The following PARM1 variants were observed in gnomAD, a reference collection of about 807,000 sequenced individuals.
PARM1 encodes the protein prostate androgen-regulated mucin-like protein 1, also known as WSC4, cell wall integrity and stress response component 4 homolog.
A neutral mutation model predicts 24.6 loss-of-function variants in PARM1; 14 were observed. The observed-to-expected ratio is 0.57, with a 90% CI of 0.38 to 0.89. PARM1 has a LOEUF of 0.89. Among genes scored for constraint, PARM1 ranks in the 40% least tolerant of loss-of-function variants. PARM1 has a pLI of 0.00. For missense variants in PARM1, 362 were observed against 380.4 expected (o/e 0.95, Z 0.40); for synonymous variants, 179 against 156.6 (o/e 1.14, Z -1.07).
At chr4:75,008,721 C>A (rs1240897142) in intron 1 of PARM1, among the ~76,000 whole-genome samples, 1 of 152,140 alleles carries the variant, frequency 6.6e-6, no homozygotes, top group Non-Finnish European at 1.5e-5. Context: ...TTACAGGAAG[C>A]TGAGTATGAG....
chr4:74,986,566 G>A (rs537742196), intron 1 of PARM1, among the ~76,000 whole-genome samples: 20 of 152,052 alleles, frequency 1.3e-4, no homozygotes, highest in Admixed American at 9.8e-4. Flanking sequence ...AAAAACTAAC[G>A]CAAACAGCAG....
intron 1 of PARM1, among the ~76,000 whole-genome samples, chr4:74,946,082 T>C (rs773589004): frequency 3.3e-5 from 5 of 152,230 alleles, no homozygotes; most frequent in Non-Finnish European, 7.3e-5. Flanking sequence ...TCATTTCATC[T>C]GCCACTTCAT....
intron 2 of PARM1, among the ~76,000 whole-genome samples, chr4:75,020,024 A>AG (rs1347100778): frequency 1.5e-5 from 2 of 132,942 alleles, no homozygotes; most frequent in Non-Finnish European, 3.0e-5. Flanking sequence ...AAAAAAAAAA[A>AG]AAAAAAAAAA....
chr4:75,024,618 T>G (rs1211423228), intron 2 of PARM1, among the ~76,000 whole-genome samples: 1 of 152,248 alleles, frequency 6.6e-6, no homozygotes. Flanking sequence ...GATCTGAGCC[T>G]TCACCTTAGC....
intron 1 of PARM1, among the ~76,000 whole-genome samples, chr4:74,999,391 T>TA (rs1293796313): frequency 4.6e-5 from 7 of 152,154 alleles, no homozygotes; most frequent in African/African-American, 1.7e-4. Context: ...GAATAGGTGG[T>TA]AGAAGAGAAA....
At chr4:75,000,101 A>G (rs1722648259) in intron 1 of PARM1, among the ~76,000 whole-genome samples, 1 of 152,060 alleles carries the variant, frequency 6.6e-6, no homozygotes, top group Non-Finnish European at 1.5e-5. Context: ...TCCATTCCTG[A>G]CGCTCAGAGC....
chr4:74,933,432 G>C, intron 1 of PARM1, 62 bp downstream of exon 1: 1 of 1,457,306 alleles, frequency 6.9e-7, no homozygotes. Context: ...GCTAGCGCGT[G>C]GTCGGGGCTG....
intron 1 of PARM1, among the ~76,000 whole-genome samples, chr4:74,941,160 C>T (rs1394577690): frequency 1.3e-5 from 2 of 152,144 alleles, no homozygotes; most frequent in African/African-American, 4.8e-5. Flanking sequence ...TAGTGGGGAA[C>T]CCTGGATGTT....
chr4:74,960,543 G>A (rs1452845560), intron 1 of PARM1, among the ~76,000 whole-genome samples: 2 of 152,232 alleles, frequency 1.3e-5, no homozygotes, highest in African/African-American at 4.8e-5. Context: ...CCCTGGGGAA[G>A]GGGAAGAATC....
rs1723648244 is a variant in PARM1, at chr4:75,048,229, C to A, written c.*1982C>A. On this transcript the variant is annotated 3_prime_UTR_variant, in exon 4 of 4. Coordinates refer to ENST00000307428, the MANE Select transcript of PARM1 (RefSeq NM_015393.4). ...TGGAGTAATTCTGAAAAAAATTATT[C>A]CTAAACTCTCTAAGTGTGGACGGAG... The A allele has an allele frequency of 6.6e-6, 1 of 152,204 alleles. No homozygotes were observed. Among genetic ancestry groups the A allele is most frequent in the East Asian group, 1.9e-4 (1 of 5,180 alleles). The allele number at this position is 152,204 out of a possible 1,614,324, so 9.4% of individuals were successfully genotyped here. A position where few individuals can be genotyped will look rare whatever the true frequency, so the allele number is the denominator to read the frequency against.
At chr4:74,949,258 G>A (rs942634017) in intron 1 of PARM1, among the ~76,000 whole-genome samples, 5 of 152,156 alleles carry the variant, frequency 3.3e-5, no homozygotes, top group Non-Finnish European at 7.3e-5. Flanking sequence ...GAGAAAAAAT[G>A]CATCTATTTG....
At chr4:75,033,509 A>G (rs1279802935) in intron 2 of PARM1, among the ~76,000 whole-genome samples, 1 of 152,224 alleles carries the variant, frequency 6.6e-6, no homozygotes, top group African/African-American at 2.4e-5. Flanking sequence ...AGAAGAAAAT[A>G]GGACATCAAG....
At chr4:75,035,732 C>T (rs1578059520) in intron 3 of PARM1, among the ~76,000 whole-genome samples, 1 of 151,968 alleles carries the variant, frequency 6.6e-6, no homozygotes, top group African/African-American at 2.4e-5. Flanking sequence ...ATATCACCTG[C>T]GTCTACGATA....
chr4:74,944,845 A>G (rs1044407555), intron 1 of PARM1, among the ~76,000 whole-genome samples: 5 of 152,236 alleles, frequency 3.3e-5, no homozygotes, highest in African/African-American at 4.8e-5. Flanking sequence ...TCTTGTTTCA[A>G]TGACGGTTTT....
At chr4:75,043,650 T>G (rs972059945) in intron 3 of PARM1, among the ~76,000 whole-genome samples, 2 of 152,194 alleles carry the variant, frequency 1.3e-5, no homozygotes, top group African/African-American at 4.8e-5. Context: ...ATGCTGAAAT[T>G]TAGGCAGAGC....
chr4:74,939,408 C>A (rs1186802286), intron 1 of PARM1, among the ~76,000 whole-genome samples: 2 of 152,006 alleles, frequency 1.3e-5, no homozygotes. Context: ...CTATAGCCTC[C>A]CTAAATGACT....
chr4:74,989,955 C>CA (rs954243005), intron 1 of PARM1, among the ~76,000 whole-genome samples: 16 of 152,118 alleles, frequency 1.1e-4, no homozygotes, highest in African/African-American at 3.6e-4. Flanking sequence ...GGCCTTGTAG[C>CA]AAGGGAGTGA....
intron 1 of PARM1, among the ~76,000 whole-genome samples, chr4:74,997,291 G>T (rs2109784010): frequency 6.6e-6 from 1 of 152,292 alleles, no homozygotes; most frequent in Admixed American, 6.5e-5. Flanking sequence ...CTTCTGAGTA[G>T]CTATATGAAG....
chr4:74,971,903 G>T (rs911940228), intron 1 of PARM1, among the ~76,000 whole-genome samples: 5 of 152,194 alleles, frequency 3.3e-5, no homozygotes, highest in African/African-American at 1.2e-4. Flanking sequence ...CTGCAGCACT[G>T]ATTAGCTGGA....
Sources: gnomAD v4.1 joint callset for allele counts (sites outside exome capture counted in the v4.1 genomes callset) on GRCh38, gnomAD v4.1.1 for gene constraint, MANE v1.5 for transcripts, NCBI Gene and HGNC (gene_info 2026-07-23, HGNC 2026-07-21) for gene names.